PUS3: variants seen among roughly 807,000 people sequenced by gnomAD.
PUS3 encodes the protein pseudouridine synthase 3.
PUS3 carries 36 observed loss-of-function variants against 43.3 expected under a neutral mutation model. That is an observed-to-expected ratio of 0.83 (90% CI 0.64 to 1.10). The LOEUF (loss-of-function observed/expected upper bound fraction) is 1.10. PUS3 is among the 50% of genes least tolerant of loss of function. The pLI, the probability that PUS3 is intolerant of heterozygous loss-of-function variation, is 0.00. For synonymous variants in PUS3, 183 were observed against 199.2 expected (o/e 0.92, Z 0.69); for missense variants, 544 against 589.9 (o/e 0.92, Z 0.81).
In PUS3 at chr11:125,899,191, C is replaced by T. The variant is rs530394670; in HGVS notation, c.-46-2861G>A. ...ATTCCCTAGAACTGAGTTAATGCCCCTCTAAACTGTTCTGATACTACCCTG... is the reference window on the plus strand; with the variant it reads ...ATTCCCTAGAACTGAGTTAATGCCCTTCTAAACTGTTCTGATACTACCCTG... On this transcript the variant is annotated intron_variant, in intron 1 of 3. Transcript: ENST00000227474. The T allele has an allele frequency of 4.9e-6, 3 of 610,150 alleles. No homozygotes were observed. The African/African-American group carries it at 5.5e-5, about 11-fold the overall frequency. The allele number at this position is 610,150 out of a possible 1,614,324, so 37.8% of individuals were successfully genotyped here. A position where few individuals can be genotyped will look rare whatever the true frequency, so the allele number is the denominator to read the frequency against.
chr11:125,902,377 G>A (rs1234532514), intron 1 of PUS3, among the ~76,000 whole-genome samples: 1 of 151,724 alleles, frequency 6.6e-6, no homozygotes, highest in East Asian at 1.9e-4. Context: ...GGGTGGTGGC[G>A]GGGGGGAGGG....
At chr11:125,900,329 T>A (rs1565458252) in intron 1 of PUS3, 5 of 1,503,568 alleles carry the variant, frequency 3.3e-6, no homozygotes, top group Non-Finnish European at 4.6e-6. Context: ...TATCTTCCCT[T>A]TTAAATAGAA....
rs541275291 is a variant in PUS3 at position 125,894,742 on chromosome 11, T to C, written c.945-456A>G. ...GAAGTACAGTAGGATGACTACTCAG[T>C]GATATAAAACAAGCAAGATTTAATA... On this transcript the variant is annotated intron_variant, in intron 3 of 3. Coordinates refer to ENST00000227474, the MANE Select transcript of PUS3 (RefSeq NM_031307.4). Among the ~76,000 whole-genome samples the C allele has an allele frequency of 3.0e-4, 45 of 152,308 alleles. No individual in the cohort carries two copies. The South Asian group carries it at 7.5e-3, about 25-fold the overall frequency.
chr11:125,899,408 A>G, intron 1 of PUS3: 1 of 1,614,188 alleles, frequency 6.2e-7, no homozygotes, highest in South Asian at 1.1e-5. Context: ...ATGGGCTAAT[A>G]TGGATCCAGA....
In PUS3 at chr11:125,894,287, C is replaced by T; in HGVS notation, c.945-1G>A. The stretch of plus-strand genomic sequence containing the variant: ...GACTAGAGGAAATTCTACAGCCATA[C>T]TAGAGAAAAAGAGAAAAGAAAGTTT... On this transcript the variant is annotated splice_acceptor_variant, in intron 3 of 3. Coordinates refer to ENST00000227474, the MANE Select transcript of PUS3 (RefSeq NM_031307.4). LOFTEE classifies it high-confidence loss of function. 2 of 1,589,106 alleles carry T rather than the reference C, an allele frequency of 1.3e-6. No individual in the cohort carries two copies. Among genetic ancestry groups the T allele is most frequent in the Non-Finnish European group, 1.7e-6 (2 of 1,166,166 alleles).
At chr11:125,902,365 C>T (rs1031349990) in intron 1 of PUS3, among the ~76,000 whole-genome samples, 2 of 13,814 alleles carry the variant, frequency 1.4e-4, no homozygotes, top group African/African-American at 5.7e-4. Flanking sequence ...GAGGCCAAGA[C>T]GGGGTGGTGG....
chr11:125,900,113 G>A, intron 1 of PUS3: 1 of 1,614,162 alleles, frequency 6.2e-7, no homozygotes, highest in Non-Finnish European at 8.5e-7. Flanking sequence ...GCTTTGTCGA[G>A]CAGAACCCCA....
intron 1 of PUS3, chr11:125,899,699 G>T: frequency 6.2e-7 from 1 of 1,614,246 alleles, no homozygotes; most frequent in Non-Finnish European, 8.5e-7. Context: ...ATTAGTAACA[G>T]ATGAGTCGAT....
In PUS3 at chr11:125,903,165, CT is replaced by C; in HGVS notation, c.-47+4del. On this transcript the variant is annotated splice_donor_region_variant and intron_variant, in intron 1 of 3. Coordinates refer to ENST00000227474, the MANE Select transcript of PUS3 (RefSeq NM_031307.4). ...AGTAACCCACTCCAAAAATCCCACA[CT>C]TACTTTCCGGCAGCCGGCCGCGCCG... 1.0e-6 allele frequency: 1 copy of C among 985,392 alleles called. No individual in the cohort carries two copies. The highest frequency in any genetic ancestry group is 1.2e-6 in the Non-Finnish European group (1 of 829,828). The allele number at this position is 985,392 out of a possible 1,614,324, so 61.0% of individuals were successfully genotyped here. A position where few individuals can be genotyped will look rare whatever the true frequency, so the allele number is the denominator to read the frequency against.
rs1388452565 is a variant in PUS3, at chr11:125,895,568, A to AG, written c.599dup (p.Arg201SerfsTer3). The AG allele has an allele frequency of 6.2e-7, 1 of 1,614,246 alleles. No homozygotes were observed. Among genetic ancestry groups the AG allele is most frequent in the Admixed American group, 1.7e-5 (1 of 60,032 alleles). On this transcript the variant is annotated frameshift_variant, in exon 3 of 4. Coordinates refer to ENST00000227474, the MANE Select transcript of PUS3 (RefSeq NM_031307.4). LOFTEE classifies it high-confidence loss of function. ...TGGTTACAATATCTAAATCAGCACGAGGGAAAAAATAGCGGTAAGTCCGCT... is the reference window on the plus strand; with the variant it reads ...TGGTTACAATATCTAAATCAGCACGAGGGGAAAAAATAGCGGTAAGTCCGCT...
intron 3 of PUS3, 95 bp from the exon 4 acceptor site, chr11:125,894,381 AGGG>A: frequency 1.0e-6 from 1 of 974,796 alleles, no homozygotes; most frequent in South Asian, 1.6e-5. Flanking sequence ...GGAGCCGGGT[AGGG>A]CGCCACCATT....
intron 1 of PUS3, among the ~76,000 whole-genome samples, chr11:125,897,963 A>C (rs573368209): frequency 6.6e-6 from 1 of 152,354 alleles, no homozygotes; most frequent in East Asian, 1.9e-4. Flanking sequence ...TGGCTGACTA[A>C]ATTTATGATA....
rs752414383 is a variant in PUS3, at chr11:125,899,387, G to T, written c.-46-3057C>A. The T allele has an allele frequency of 2.5e-6, 4 of 1,614,132 alleles. No individual in the cohort carries two copies. The South Asian group carries it at 4.4e-5, about 18-fold the overall frequency. On this transcript the variant is annotated intron_variant, in intron 1 of 3. Transcript: ENST00000227474. Reference sequence around the variant, plus strand: ...GGAAGCAATGGAAGAACTTCTACCTGATGGACAAATATGGGCTAATATGGA... The same window carrying T: ...GGAAGCAATGGAAGAACTTCTACCTTATGGACAAATATGGGCTAATATGGA...
intron 1 of PUS3, chr11:125,899,334 T>C (rs1272885227): frequency 1.4e-5 from 23 of 1,594,068 alleles, no homozygotes; most frequent in Non-Finnish European, 2.0e-5. Flanking sequence ...ACCAATGTTA[T>C]CTCTTGCAGA....
At position 125,893,922 on chromosome 11, in the gene PUS3, C is replaced by T; in HGVS notation, c.1309G>A (p.Glu437Lys). 6.2e-7 allele frequency: 1 copy of T among 1,614,118 alleles called. No homozygotes were observed. Among genetic ancestry groups the T allele is most frequent in the Non-Finnish European group, 8.5e-7 (1 of 1,180,032 alleles). ...TCCTCATGGAATAAATGTGGGTGCTCAATTCGTCCCCTACGTACAAAATGC... is the reference window on the plus strand; with the variant it reads ...TCCTCATGGAATAAATGTGGGTGCTTAATTCGTCCCCTACGTACAAAATGC... Reference protein sequence around the residue: ...IQHFVRRGRIEHPHLFHEEET... With the variant: ...IQHFVRRGRIKHPHLFHEEET... Residue 437 changes from glutamate to lysine, a missense_variant, in exon 4 of 4, where the codon GAG (glutamate) becomes AAG (lysine). Physicochemically the swap from Glu to Lys is moderately conservative, Grantham distance 56. Transcript: ENST00000227474.
At chr11:125,900,198 G>A (rs1944724862) in intron 1 of PUS3, 1 of 1,614,160 alleles carries the variant, frequency 6.2e-7, no homozygotes, top group East Asian at 2.2e-5. Flanking sequence ...GCACTCCGTT[G>A]GGGTGTTCGT....
intron 1 of PUS3, among the ~76,000 whole-genome samples, chr11:125,901,665 T>C (rs895139819): frequency 1.1e-4 from 16 of 152,252 alleles, no homozygotes; most frequent in Non-Finnish European, 1.5e-5. Context: ...GTTAGGCATT[T>C]GTCTGGAAAA....
chr11:125,895,111 A>G (rs550286326), intron 3 of PUS3, 113 bp downstream of exon 3: 2 of 745,444 alleles, frequency 2.7e-6, no homozygotes, highest in East Asian at 2.7e-5. Flanking sequence ...CAGTGGTCCA[A>G]TCTCAGCTCA....
chr11:125,895,123 T>C, intron 3 of PUS3, 101 bp downstream of exon 3: 1 of 894,482 alleles, frequency 1.1e-6, no homozygotes, highest in East Asian at 2.6e-5. Context: ...CTCAGCTCAG[T>C]GCAACCTCCG....
Sources: allele counts gnomAD v4.1 joint callset (sites outside exome capture counted in the v4.1 genomes callset), GRCh38; gene constraint gnomAD v4.1.1; transcripts MANE v1.5; gene names NCBI Gene and HGNC (gene_info 2026-07-23, HGNC 2026-07-21).